SMYD3: variants seen among roughly 807,000 people sequenced by gnomAD.
SMYD3 encodes histone-lysine N-methyltransferase SMYD3.
In SMYD3, 36 loss-of-function variants were observed where a neutral mutation model predicts 57.7. That is an observed-to-expected ratio of 0.62 (90% confidence interval 0.48 to 0.82). The LOEUF is 0.82. Ranked by LOEUF, SMYD3 falls within the 40% of genes least tolerant of loss-of-function variation. SMYD3 has a pLI of 0.00. For synonymous variants in SMYD3, 211 were observed against 195.0 expected (o/e 1.08, Z -0.68); for missense variants, 515 against 538.8 (o/e 0.96, Z 0.44).
At position 245,749,578 on chromosome 1, in the gene SMYD3, G is replaced by A. The variant is rs1460279710; in HGVS notation, c.1272C>T (p.Asn424=). ...LILLLEECDA[N]IRAS ...CTGCGTTCCCTTAGGATGCTCTGAT[G>A]TTGGCGTCGCATTCTTCTAAAAGTA... Residue 424 remains asparagine (N), a synonymous_variant, in exon 12 of 12, where the codon AAC becomes AAT. Transcript: ENST00000490107. 6.2e-7 allele frequency: 1 copy of A among 1,613,986 alleles called. No homozygotes were observed.
chr1:246,052,940 C>T (rs1368792694), intron 5 of SMYD3: 1 of 152,128 alleles, frequency 6.6e-6, no homozygotes, highest in Non-Finnish European at 1.5e-5. Flanking sequence ...AATAAGATCT[C>T]TAAATAAATG....
chr1:245,787,350 G>A (rs1572335833), intron 10 of SMYD3, among the ~76,000 whole-genome samples: 1 of 152,116 alleles, frequency 6.6e-6, no homozygotes, highest in Admixed American at 6.6e-5. Flanking sequence ...GTAAGTTCCC[G>A]CGGGGGCAGT....
intron 5 of SMYD3, among the ~76,000 whole-genome samples, chr1:246,115,064 G>A (rs2061321608): frequency 6.6e-6 from 1 of 152,246 alleles, no homozygotes; most frequent in African/African-American, 2.4e-5. Context: ...TGACAAAGTT[G>A]AGAGTATAGG....
intron 5 of SMYD3, among the ~76,000 whole-genome samples, chr1:246,235,769 T>G (rs560828720): frequency 1.1e-4 from 17 of 152,176 alleles, no homozygotes; most frequent in African/African-American, 4.1e-4. Flanking sequence ...TTTCAAGGGG[T>G]TCACTGACCC....
At chr1:245,830,322 G>A (rs373523889) in intron 10 of SMYD3, among the ~76,000 whole-genome samples, 1 of 152,156 alleles carries the variant, frequency 6.6e-6, no homozygotes, top group African/African-American at 2.4e-5. Flanking sequence ...AGAAGCAAAG[G>A]CACGTCCTAC....
intron 5 of SMYD3, among the ~76,000 whole-genome samples, chr1:246,137,992 T>C (rs1373865439): frequency 6.6e-6 from 1 of 152,164 alleles, no homozygotes; most frequent in Non-Finnish European, 1.5e-5. Context: ...CATCCCCCAT[T>C]ACACACACAA....
intron 1 of SMYD3, among the ~76,000 whole-genome samples, chr1:246,362,323 A>C (rs944152737): frequency 6.6e-5 from 10 of 152,206 alleles, no homozygotes; most frequent in African/African-American, 2.4e-4. Flanking sequence ...TACTTTAGAC[A>C]TGCTGAGTTG....
intron 5 of SMYD3, among the ~76,000 whole-genome samples, chr1:246,085,958 GC>G (rs1330401359): frequency 6.6e-6 from 1 of 151,504 alleles, no homozygotes. Context: ...TATGTGGATG[GC>G]TAAAAACAGT....
At chr1:246,236,611 T>C (rs2063516390) in intron 5 of SMYD3, among the ~76,000 whole-genome samples, 1 of 152,078 alleles carries the variant, frequency 6.6e-6, no homozygotes, top group African/African-American at 2.4e-5. Flanking sequence ...AGACAGGGTT[T>C]CACTGTGTTA....
chr1:245,831,739 C>T (rs2049846024), intron 10 of SMYD3, among the ~76,000 whole-genome samples: 1 of 152,204 alleles, frequency 6.6e-6, no homozygotes, highest in African/African-American at 2.4e-5. Flanking sequence ...TTCAACTCAT[C>T]ACTGACAAGG....
At chr1:246,379,113 C>CACAT (rs143967247) in intron 1 of SMYD3, among the ~76,000 whole-genome samples, 29,300 of 139,378 alleles carry the variant, frequency 0.21, 3,173 homozygotes, top group Middle Eastern at 0.39. Context: ...CACACACACA[C>CACAT]ATATATTCCA....
At chr1:245,775,112 C>T (rs1194624945) in intron 10 of SMYD3, among the ~76,000 whole-genome samples, 1 of 152,208 alleles carries the variant, frequency 6.6e-6, no homozygotes, top group African/African-American at 2.4e-5. Context: ...GCAGCCTCTG[C>T]CCCGCCGCCC....
intron 5 of SMYD3, among the ~76,000 whole-genome samples, chr1:246,289,496 TTAA>T (rs1469413437): frequency 6.6e-5 from 10 of 152,220 alleles, no homozygotes; most frequent in African/African-American, 2.2e-4. Context: ...GGTTTCCTCA[TTAA>T]TAAGTTAATA....
intron 10 of SMYD3, among the ~76,000 whole-genome samples, chr1:245,802,524 C>G (rs1304248953): frequency 1.3e-5 from 2 of 152,144 alleles, no homozygotes; most frequent in Non-Finnish European, 2.9e-5. Flanking sequence ...GCATTGCATA[C>G]CTCCCCAAAG....
At chr1:246,124,460 T>C (rs1407868585) in intron 5 of SMYD3, among the ~76,000 whole-genome samples, 1 of 152,168 alleles carries the variant, frequency 6.6e-6, no homozygotes, top group Non-Finnish European at 1.5e-5. Context: ...GGTAATTAAA[T>C]TGCATAAAAT....
intron 5 of SMYD3, among the ~76,000 whole-genome samples, chr1:246,284,361 A>G (rs2064512762): frequency 6.6e-6 from 1 of 152,068 alleles, no homozygotes; most frequent in Admixed American, 6.6e-5. Flanking sequence ...GAATTCTCTC[A>G]ATACCATGAA....
intron 10 of SMYD3, among the ~76,000 whole-genome samples, chr1:245,852,993 C>T (rs1040039045): frequency 3.3e-5 from 5 of 152,162 alleles, no homozygotes; most frequent in Admixed American, 3.3e-4. Context: ...ACTAAAGATA[C>T]TTTAATTGAA....
rs988605620 is a variant in SMYD3, at chr1:246,201,371, G to T, written c.531+125830C>A. Reference sequence around the variant, plus strand: ...AAGCCCAGCACTTTTCTACCATGCAGAAAATGGGTGTTCATCTCTCTGGAT... The same window carrying T: ...AAGCCCAGCACTTTTCTACCATGCATAAAATGGGTGTTCATCTCTCTGGAT... On this transcript the variant is annotated intron_variant, in intron 5 of 11. Coordinates refer to ENST00000490107, the MANE Select transcript of SMYD3 (RefSeq NM_001167740.2). Among the ~76,000 whole-genome samples the T allele has an allele frequency of 3.9e-5, 6 of 152,208 alleles. No homozygotes were observed. In the South Asian group the frequency reaches 1.0e-3, roughly 26 times the overall value.
At position 246,500,254 on chromosome 1, in the gene SMYD3, T is replaced by C. The variant is rs535787992; in HGVS notation, c.164+6800A>G. ...GAGGTTGAGAAGGTATTTAGCCTTT[T>C]TGGCTTTTTCGATAGAAGGCAGACT... is the stretch of plus-strand genomic sequence containing the variant. On this transcript the variant is annotated intron_variant, in intron 1 of 11. Coordinates refer to ENST00000490107, the MANE Select transcript of SMYD3 (RefSeq NM_001167740.2). Among the ~76,000 whole-genome samples, 18 of 152,340 alleles carry C rather than the reference T, an allele frequency of 1.2e-4. No homozygotes were observed. In the South Asian group the frequency reaches 2.5e-3, roughly 21 times the overall value.
Sources: allele counts gnomAD v4.1 joint callset (sites outside exome capture counted in the v4.1 genomes callset), GRCh38; gene constraint gnomAD v4.1.1; transcripts MANE v1.5; gene names NCBI Gene and HGNC (gene_info 2026-07-23, HGNC 2026-07-21).